MTX2: variants seen among roughly 807,000 people sequenced by gnomAD.
The protein encoded by MTX2 is metaxin-2.
MTX2 carries 35 observed loss-of-function variants against 42.3 expected under a neutral mutation model. That is an observed-to-expected ratio of 0.83 (90% CI 0.63 to 1.10). The LOEUF is 1.10. MTX2 is among the 50% of genes least tolerant of loss of function. The pLI, the probability that MTX2 is intolerant of heterozygous loss-of-function variation, is 0.00. For synonymous variants in MTX2, 119 were observed against 100.9 expected, an observed-to-expected ratio of 1.18 and a Z score of -1.08; for missense variants, 307 against 304.1, an observed-to-expected ratio of 1.01 and a Z score of -0.07.
chr2:176,312,599 C>T (rs1057291057), intron 3 of MTX2, among the ~76,000 whole-genome samples: 1 of 152,044 alleles, frequency 6.6e-6, no homozygotes, highest in Non-Finnish European at 1.5e-5. Context: ...TGTGGTGTCT[C>T]ACGCCTGTAA....
At chr2:176,283,523 G>A (rs1693127393) in intron 1 of MTX2, among the ~76,000 whole-genome samples, 1 of 152,138 alleles carries the variant, frequency 6.6e-6, no homozygotes, top group Admixed American at 6.5e-5. Context: ...ATAATAATAA[G>A]TCAGATTCTC....
intron 3 of MTX2, among the ~76,000 whole-genome samples, chr2:176,300,141 C>CAG (rs986017727): frequency 1.4e-4 from 12 of 82,864 alleles, no homozygotes; most frequent in East Asian, 9.5e-4. Flanking sequence ...ACTAGAGAGA[C>CAG]AGAGAGAGAG....
intron 1 of MTX2, chr2:176,270,415 T>C: frequency 2.9e-6 from 4 of 1,361,488 alleles, no homozygotes; most frequent in Non-Finnish European, 3.9e-6. Flanking sequence ...GACTGATGTA[T>C]ATAGGTTTGT....
chr2:176,320,395 A>G (rs536999196), intron 3 of MTX2, among the ~76,000 whole-genome samples: 1 of 152,288 alleles, frequency 6.6e-6, no homozygotes, highest in South Asian at 2.1e-4. Flanking sequence ...ATTTTATACA[A>G]TATTATTATT....
At chr2:176,335,364 A>C (rs555897540) in intron 9 of MTX2, among the ~76,000 whole-genome samples, 1 of 152,224 alleles carries the variant, frequency 6.6e-6, no homozygotes, top group South Asian at 2.1e-4. Flanking sequence ...CCAGATTATC[A>C]AGGCTCTGTG....
intron 3 of MTX2, 146 bp from the exon 4 acceptor site, chr2:176,323,246 A>G (rs1162576638): frequency 1.1e-5 from 7 of 654,916 alleles, no homozygotes; most frequent in Non-Finnish European, 1.8e-5. Flanking sequence ...TTGGAAAACA[A>G]ATCCTTCACT....
At position 176,333,490 on chromosome 2, in the gene MTX2, T is replaced by C. The variant is rs573061760; in HGVS notation, c.620+2830T>C. Reference sequence around the variant, plus strand: ...ACAAAGGCATACAGTTGTGTAACTGTCACCTATCAACTAAAATATTATTTG... The same window carrying C: ...ACAAAGGCATACAGTTGTGTAACTGCCACCTATCAACTAAAATATTATTTG... On this transcript the variant is annotated intron_variant, in intron 9 of 9. Coordinates refer to ENST00000249442, the MANE Select transcript of MTX2 (RefSeq NM_006554.5). 3.3e-5 allele frequency among the ~76,000 whole-genome samples: 5 copies of C among 151,850 alleles called. No homozygotes were observed. The East Asian group carries it at 9.6e-4, about 29-fold the overall frequency.
intron 1 of MTX2, 34 bp downstream of exon 1, chr2:176,269,703 G>A (rs760533667): frequency 6.1e-5 from 97 of 1,580,746 alleles, no homozygotes; most frequent in Non-Finnish European, 8.1e-5. Context: ...AGAAGGTGGC[G>A]GCGCGGTCTC....
At chr2:176,318,556 G>A (rs1235869817) in intron 3 of MTX2, among the ~76,000 whole-genome samples, 1 of 152,048 alleles carries the variant, frequency 6.6e-6, no homozygotes, top group East Asian at 1.9e-4. Flanking sequence ...CCTCATTTTA[G>A]CAATTGGAGT....
At chr2:176,321,360 T>C (rs1399276189) in intron 3 of MTX2, among the ~76,000 whole-genome samples, 2 of 152,142 alleles carry the variant, frequency 1.3e-5, no homozygotes, top group Non-Finnish European at 1.5e-5. Context: ...TCCACTTAAA[T>C]AGACACAGAA....
At chr2:176,314,609 T>C (rs932783547) in intron 3 of MTX2, among the ~76,000 whole-genome samples, 1 of 152,182 alleles carries the variant, frequency 6.6e-6, no homozygotes, top group Admixed American at 6.5e-5. Context: ...ATGTTTTGTT[T>C]TGTTGATTTA....
At position 176,337,750 on chromosome 2, in the gene MTX2, A is replaced by G. The variant is rs1685032398; in HGVS notation, c.*86A>G. 8.0e-7 allele frequency: 1 copy of G among 1,253,376 alleles called. No homozygotes were observed. The highest frequency in any genetic ancestry group is 1.1e-6 in the Non-Finnish European group (1 of 921,684). 77.6% of individuals were successfully genotyped at this position (1,253,376 alleles called of 1,614,324 possible). On this transcript the variant is annotated 3_prime_UTR_variant, in exon 10 of 10. Coordinates refer to ENST00000249442, the MANE Select transcript of MTX2 (RefSeq NM_006554.5). ...TAGATATTGGTGTCAGAATTTTAAAACCAAATTACTGCTTTTTGAAACCTC... is the reference window on the plus strand; with the variant it reads ...TAGATATTGGTGTCAGAATTTTAAAGCCAAATTACTGCTTTTTGAAACCTC...
chr2:176,309,557 T>C (rs898696256), intron 3 of MTX2, among the ~76,000 whole-genome samples: 3 of 152,168 alleles, frequency 2.0e-5, no homozygotes, highest in African/African-American at 7.2e-5. Context: ...AAGGACTTGC[T>C]TTATGAATCT....
At chr2:176,309,729 T>TC (rs989995026) in intron 3 of MTX2, among the ~76,000 whole-genome samples, 3 of 148,840 alleles carry the variant, frequency 2.0e-5, no homozygotes, top group Non-Finnish European at 4.5e-5. Context: ...GCTTTTTTTT[T>TC]TTTTTTTTTT....
chr2:176,336,026 G>A (rs938404777), intron 9 of MTX2, among the ~76,000 whole-genome samples: 2 of 152,010 alleles, frequency 1.3e-5, no homozygotes, highest in African/African-American at 4.8e-5. Context: ...TGATAGTATT[G>A]GAGTTCAAAT....
intron 9 of MTX2, among the ~76,000 whole-genome samples, chr2:176,334,015 T>C (rs1353676371): frequency 6.6e-6 from 1 of 151,936 alleles, no homozygotes; most frequent in Middle Eastern, 3.4e-3. Context: ...TTTAATCTGT[T>C]GAATTCTACT....
chr2:176,287,112 C>T (rs1294989274), intron 1 of MTX2, among the ~76,000 whole-genome samples: 2 of 151,974 alleles, frequency 1.3e-5, no homozygotes, highest in Admixed American at 1.3e-4. Context: ...TTTTTAACTT[C>T]AGACATTGTA....
chr2:176,308,118 A>T (rs909094331), intron 3 of MTX2, among the ~76,000 whole-genome samples: 1 of 152,078 alleles, frequency 6.6e-6, no homozygotes, highest in Non-Finnish European at 1.5e-5. Context: ...AGCACTGTTG[A>T]ATTTTGTCAA....
intron 3 of MTX2, among the ~76,000 whole-genome samples, chr2:176,306,421 A>C (rs1366292400): frequency 6.6e-6 from 1 of 152,160 alleles, no homozygotes; most frequent in African/African-American, 2.4e-5. Context: ...TTGGGTATAT[A>C]CCCAGTAATG....
Sources: allele counts gnomAD v4.1 joint callset (sites outside exome capture counted in the v4.1 genomes callset), GRCh38; gene constraint gnomAD v4.1.1; transcripts MANE v1.5; gene names NCBI Gene and HGNC (gene_info 2026-07-23, HGNC 2026-07-21).